Variants in PLD5 observed in about 807,000 individuals in gnomAD.
PLD5 encodes the protein inactive phospholipase D5.
Under a neutral mutation model 61.1 loss-of-function variants are expected in PLD5, and 36 were observed. That is an observed-to-expected ratio of 0.59 (90% CI 0.45 to 0.78). The LOEUF (loss-of-function observed/expected upper bound fraction) is 0.78. PLD5 is among the 30% of genes least tolerant of loss of function. The pLI is 0.00. For missense variants in PLD5, 515 were observed against 644.4 expected (o/e 0.80, Z 2.17); for synonymous variants, 243 against 242.8 (o/e 1.00, Z -0.01).
chr1:242,120,359 G>A (rs958031298), intron 6 of PLD5, among the ~76,000 whole-genome samples: 3 of 151,862 alleles, frequency 2.0e-5, no homozygotes, highest in Non-Finnish European at 4.4e-5. Flanking sequence ...CACCATGTTG[G>A]CAAGGTTGGT....
At chr1:242,162,459 G>A (rs1171914394) in intron 5 of PLD5, among the ~76,000 whole-genome samples, 2 of 152,080 alleles carry the variant, frequency 1.3e-5, no homozygotes, top group African/African-American at 4.8e-5. Context: ...CTCTGTAACC[G>A]AGAAACCTAA....
At chr1:242,287,072 C>A (rs1675068387) in intron 3 of PLD5, among the ~76,000 whole-genome samples, 1 of 152,086 alleles carries the variant, frequency 6.6e-6, no homozygotes, top group Non-Finnish European at 1.5e-5. Flanking sequence ...GAGCAACATG[C>A]TAGGATTCCA....
At position 242,450,200 on chromosome 1, in the gene PLD5, C is replaced by A. The variant is rs377056764; in HGVS notation, c.189+73888G>T. Among the ~76,000 whole-genome samples, 10 of 152,320 alleles carry A rather than the reference C, an allele frequency of 6.6e-5. No individual in the cohort carries two copies. In the East Asian group the frequency reaches 1.9e-3, roughly 29 times the overall value. On this transcript the variant is annotated intron_variant, in intron 1 of 9. Coordinates refer to ENST00000536534, the MANE Select transcript of PLD5 (RefSeq NM_001372062.1). ...CAATCACACAGCTGGCACACAGCAGCAGCTGAACCTCATCCAAAGCTCAGA... is the reference window on the plus strand; with the variant it reads ...CAATCACACAGCTGGCACACAGCAGAAGCTGAACCTCATCCAAAGCTCAGA...
chr1:242,206,858 G>T (rs1669347004), intron 5 of PLD5, among the ~76,000 whole-genome samples: 1 of 152,130 alleles, frequency 6.6e-6, no homozygotes, highest in African/African-American at 2.4e-5. Flanking sequence ...GAAAAAAAGT[G>T]CATATAAGCA....
chr1:242,328,734 T>G (rs971387731), intron 2 of PLD5, among the ~76,000 whole-genome samples: 1 of 152,212 alleles, frequency 6.6e-6, no homozygotes. Flanking sequence ...TGAGGTTTTA[T>G]TAGGCATTTC....
intron 1 of PLD5, among the ~76,000 whole-genome samples, chr1:242,481,156 T>C (rs767358308): frequency 2.0e-5 from 3 of 152,206 alleles, no homozygotes; most frequent in Admixed American, 1.3e-4. Context: ...GAATGATTTC[T>C]GCATTTCCAA....
intron 1 of PLD5, among the ~76,000 whole-genome samples, chr1:242,370,046 T>C (rs1661549081): frequency 6.6e-6 from 1 of 152,108 alleles, no homozygotes; most frequent in South Asian, 2.1e-4. Context: ...CAGTTGTGTA[T>C]TAGTTTCTTT....
At chr1:242,140,768 T>G (rs2148788950) in intron 5 of PLD5, among the ~76,000 whole-genome samples, 1 of 152,170 alleles carries the variant, frequency 6.6e-6, no homozygotes, top group South Asian at 2.1e-4. Flanking sequence ...AGAAACTGGG[T>G]TTGTCAGCCT....
chr1:242,474,219 C>T (rs1572208919), intron 1 of PLD5, among the ~76,000 whole-genome samples: 1 of 152,046 alleles, frequency 6.6e-6, no homozygotes, highest in Admixed American at 6.5e-5. Flanking sequence ...CTAATATAAG[C>T]CTCAATCTCT....
chr1:242,304,750 T>C (rs1469354650), intron 2 of PLD5, among the ~76,000 whole-genome samples: 3 of 152,242 alleles, frequency 2.0e-5, no homozygotes, highest in Non-Finnish European at 4.4e-5. Context: ...TCAAATGGTT[T>C]TGGCAGAACA....
chr1:242,140,551 C>A (rs375743189), intron 5 of PLD5, among the ~76,000 whole-genome samples: 1 of 152,112 alleles, frequency 6.6e-6, no homozygotes, highest in Non-Finnish European at 1.5e-5. Context: ...ATGGGAGGAT[C>A]GCTTTAGCCC....
chr1:242,403,914 T>G (rs960137236), intron 1 of PLD5, among the ~76,000 whole-genome samples: 1 of 152,256 alleles, frequency 6.6e-6, no homozygotes, highest in Non-Finnish European at 1.5e-5. Context: ...CAATTCTATG[T>G]ATTATAAAAA....
At chr1:242,220,277 A>G (rs888506753) in intron 4 of PLD5, among the ~76,000 whole-genome samples, 162 bp from the exon 5 acceptor site, 27 of 151,800 alleles carry the variant, frequency 1.8e-4, no homozygotes, top group Non-Finnish European at 3.2e-4. Context: ...TCCCCAAGGT[A>G]TTATTTTGTT....
rs575318639 is a variant in PLD5 at position 242,287,865 on chromosome 1, C to G, written c.495+497G>C. Among the ~76,000 whole-genome samples, 44 of 152,272 alleles carry G rather than the reference C, an allele frequency of 2.9e-4. 2 individuals carry two copies. In the South Asian group the frequency reaches 9.1e-3, roughly 32 times the overall value. ...AAGCATATTTCTTTTTCCCATTCAT[C>G]CAAATACGACAGTCGAGAAAAACAA... On this transcript the variant is annotated intron_variant, in intron 3 of 9. Coordinates refer to ENST00000536534, the MANE Select transcript of PLD5 (RefSeq NM_001372062.1).
At chr1:242,295,911 AAT>A (rs1558439127) in intron 2 of PLD5, among the ~76,000 whole-genome samples, 1 of 152,214 alleles carries the variant, frequency 6.6e-6, no homozygotes, top group Non-Finnish European at 1.5e-5. Context: ...ATTTTTATAA[AAT>A]ATGATACTTT....
At chr1:242,401,615 G>C (rs1329131189) in intron 1 of PLD5, among the ~76,000 whole-genome samples, 4 of 152,148 alleles carry the variant, frequency 2.6e-5, no homozygotes, top group Non-Finnish European at 5.9e-5. Flanking sequence ...TAGGTGGTGT[G>C]CTCAGGCCCC....
chr1:242,093,723 G>A (rs1478460298), intron 9 of PLD5, among the ~76,000 whole-genome samples: 1 of 151,934 alleles, frequency 6.6e-6, no homozygotes, highest in African/African-American at 2.4e-5. Context: ...GAGGTCAGGA[G>A]CATCATAGCC....
chr1:242,348,828 G>A (rs1331732268), intron 1 of PLD5, among the ~76,000 whole-genome samples: 1 of 152,148 alleles, frequency 6.6e-6, no homozygotes, highest in Non-Finnish European at 1.5e-5. Flanking sequence ...GCCAAGGCGG[G>A]CAGATCATGA....
chr1:242,492,950 G>A (rs1193423537), intron 1 of PLD5, among the ~76,000 whole-genome samples: 4 of 152,078 alleles, frequency 2.6e-5, no homozygotes, highest in Non-Finnish European at 5.9e-5. Context: ...TCACATGGGA[G>A]GTAGGATTTC....
Sources: gnomAD v4.1 joint callset for allele counts (sites outside exome capture counted in the v4.1 genomes callset) on GRCh38, gnomAD v4.1.1 for gene constraint, MANE v1.5 for transcripts, NCBI Gene and HGNC (gene_info 2026-07-23, HGNC 2026-07-21) for gene names.